Variants in COL23A1 observed in about 807,000 individuals in gnomAD.
COL23A1 encodes the protein collagen type XXIII alpha 1 chain.
A neutral mutation model predicts 99.3 loss-of-function variants in COL23A1; 97 were observed. The observed-to-expected ratio is 0.98, with a 90% confidence interval of 0.83 to 1.16. The LOEUF (loss-of-function observed/expected upper bound fraction) is 1.16. Ranked by LOEUF, COL23A1 falls within the 50% of genes most tolerant of loss-of-function variation. The pLI, the probability that COL23A1 is intolerant of heterozygous loss-of-function variation, is 0.00. For synonymous variants in COL23A1, 320 were observed against 308.2 expected (o/e 1.04, Z -0.40); for missense variants, 762 against 757.4 (o/e 1.01, Z -0.07).
intron 25 of COL23A1, 57 bp from the exon 26 acceptor site, chr5:178,242,451 T>G: frequency 6.4e-7 from 1 of 1,563,388 alleles, no homozygotes. Flanking sequence ...TGCCCCTCTG[T>G]TACCGGCTCA....
chr5:178,312,823 A>C (rs1331781645), intron 2 of COL23A1, among the ~76,000 whole-genome samples: 1 of 152,198 alleles, frequency 6.6e-6, no homozygotes, highest in African/African-American at 2.4e-5. Context: ...TGGAATCCAC[A>C]CAACAGTCTG....
intron 4 of COL23A1, 38 bp from the exon 5 acceptor site, chr5:178,288,388 G>T: frequency 6.3e-7 from 1 of 1,584,352 alleles, no homozygotes; most frequent in Non-Finnish European, 8.7e-7. Flanking sequence ...TCAGAGTTTC[G>T]GCAGAAACCA....
chr5:178,444,488 A>G (rs1313492731), intron 2 of COL23A1, among the ~76,000 whole-genome samples: 1 of 152,096 alleles, frequency 6.6e-6, no homozygotes, highest in Non-Finnish European at 1.5e-5. Flanking sequence ...GAGACAGTGC[A>G]CTTTAGTGGC....
At chr5:178,496,473 C>T (rs1022706971) in intron 2 of COL23A1, among the ~76,000 whole-genome samples, 1 of 152,058 alleles carries the variant, frequency 6.6e-6, no homozygotes, top group African/African-American at 2.4e-5. Flanking sequence ...GAAGTTGTAG[C>T]CGGACTAATT....
intron 2 of COL23A1, among the ~76,000 whole-genome samples, chr5:178,315,594 C>T (rs1758936106): frequency 6.6e-6 from 1 of 152,056 alleles, no homozygotes; most frequent in African/African-American, 2.4e-5. Context: ...GAATGTCCCA[C>T]CCAGAGGGTG....
At chr5:178,436,495 A>G (rs977804785) in intron 2 of COL23A1, among the ~76,000 whole-genome samples, 4 of 152,198 alleles carry the variant, frequency 2.6e-5, no homozygotes, top group Non-Finnish European at 5.9e-5. Flanking sequence ...GGGAGAAGGC[A>G]CAGAACACCA....
Position 178,542,727 on chromosome 5 carries a change from G to A in COL23A1, c.361+17955C>T, listed in dbSNP as rs182959003. Among the ~76,000 whole-genome samples the A allele has an allele frequency of 2.2e-4, 33 of 152,292 alleles. No homozygotes were observed. In the East Asian group the frequency reaches 6.0e-3, roughly 28 times the overall value. On this transcript the variant is annotated intron_variant, in intron 2 of 28. Transcript: ENST00000390654. ...GGAGGGGAGGGCTGGGAGCTCTGGG[G>A]AGAGTTCCCTCTCTGACTCCTTTGA... is the stretch of plus-strand genomic sequence containing the variant.
intron 2 of COL23A1, among the ~76,000 whole-genome samples, chr5:178,345,666 G>A (rs1383081927): frequency 8.0e-5 from 12 of 150,248 alleles, no homozygotes; most frequent in Admixed American, 1.3e-4. Flanking sequence ...ACAGGTGCCC[G>A]CCACCACGCC....
At chr5:178,482,183 A>T (rs529133287) in intron 2 of COL23A1, among the ~76,000 whole-genome samples, 1 of 152,288 alleles carries the variant, frequency 6.6e-6, no homozygotes, top group Non-Finnish European at 1.5e-5. Context: ...TATTTACAAC[A>T]GCCAAAAGGT....
chr5:178,402,359 C>CA (rs35953881), intron 2 of COL23A1, among the ~76,000 whole-genome samples: 1 of 151,700 alleles, frequency 6.6e-6, no homozygotes, highest in South Asian at 2.1e-4. Flanking sequence ...TATTTGGAGC[C>CA]AAAAAAAGTA....
chr5:178,306,770 G>T lies in COL23A1; in HGVS notation c.406+105C>A, dbSNP rs1452102113. The T allele has an allele frequency of 1.2e-6, 1 of 817,936 alleles. No individual in the cohort carries two copies. The highest frequency in any genetic ancestry group is 1.8e-6 in the Non-Finnish European group (1 of 556,812). 50.7% of individuals were successfully genotyped at this position (817,936 alleles called of 1,614,324 possible). ...GGAGGAGCACCTGCCCAGGACCAAG[G>T]CATGACTCAGGGTGGGCAGCAGGTG... On this transcript the variant is annotated intron_variant, in intron 3 of 28. Transcript: ENST00000390654. The surrounding 1 kb of genome is among the most constrained non-coding windows in gnomAD (Gnocchi z 4.1).
intron 2 of COL23A1, among the ~76,000 whole-genome samples, chr5:178,469,679 T>C (rs2672834): frequency 0.79 from 120,247 of 151,798 alleles, 49,003 homozygotes; most frequent in Non-Finnish European, 0.9. Context: ...CTTCCGCCAG[T>C]ACCTCCCCTC....
intron 2 of COL23A1, among the ~76,000 whole-genome samples, chr5:178,457,421 G>A (rs999281143): frequency 2.6e-5 from 4 of 152,046 alleles, no homozygotes; most frequent in African/African-American, 9.7e-5. Flanking sequence ...TGCCATGTTG[G>A]CCAGGCTGGT....
rs957396500 is a variant in COL23A1, at chr5:178,310,461, C to T, written c.362-3542G>A. On this transcript the variant is annotated intron_variant, in intron 2 of 28. Coordinates refer to ENST00000390654, the MANE Select transcript of COL23A1 (RefSeq NM_173465.4). This position sits in a 1 kb window ranked among gnomAD's most constrained non-coding sequence, Gnocchi z 4.3. The stretch of plus-strand genomic sequence containing the variant: ...CCCCGCAGGCTCACCTTCTGCCTCG[C>T]CAGTCCTCTGAAGAAGGTGCTAGTG... Among the ~76,000 whole-genome samples the T allele has an allele frequency of 3.3e-5, 5 of 152,236 alleles. No individual in the cohort carries two copies. The highest frequency in any genetic ancestry group is 4.8e-5 in the African/African-American group (2 of 41,468).
chr5:178,405,597 C>G (rs888089845), intron 2 of COL23A1, among the ~76,000 whole-genome samples: 1 of 152,200 alleles, frequency 6.6e-6, no homozygotes, highest in African/African-American at 2.4e-5. Flanking sequence ...ACTCTGAAAG[C>G]ATCCCCATTA....
intron 2 of COL23A1, among the ~76,000 whole-genome samples, chr5:178,511,174 G>A (rs1053727144): frequency 2.0e-5 from 3 of 151,996 alleles, no homozygotes; most frequent in African/African-American, 4.8e-5. Flanking sequence ...TTTTAAAAAC[G>A]TTCTTTAGTG....
At chr5:178,289,516 C>A (rs945381779) in intron 4 of COL23A1, among the ~76,000 whole-genome samples, 1 of 152,206 alleles carries the variant, frequency 6.6e-6, no homozygotes, top group African/African-American at 2.4e-5. Context: ...CAGTGCCATG[C>A]CCTCACCAGC....
intron 2 of COL23A1, among the ~76,000 whole-genome samples, chr5:178,358,048 ATGTC>A (rs1312123481): frequency 1.4e-5 from 1 of 71,590 alleles, no homozygotes; most frequent in African/African-American, 6.3e-5. Context: ...ATGTGTATGT[ATGTC>A]TAATGTATGT....
chr5:178,363,657 CCGTCACTCGGCCA>C (rs1345713402), intron 2 of COL23A1, among the ~76,000 whole-genome samples: 3 of 152,290 alleles, frequency 2.0e-5, no homozygotes, highest in East Asian at 3.9e-4. Context: ...CAGGAGCGCC[CCGTCACTCGGCCA>C]CAGAGCCGAT....
Sources: allele counts gnomAD v4.1 joint callset (sites outside exome capture counted in the v4.1 genomes callset), GRCh38; gene constraint gnomAD v4.1.1; non-coding constraint Gnocchi (gnomAD v3.1); transcripts MANE v1.5; gene names NCBI Gene and HGNC (gene_info 2026-07-23, HGNC 2026-07-21).